The following PLEKHA7 variants were observed in gnomAD, a reference collection of about 807,000 sequenced individuals.
The protein encoded by PLEKHA7 is pleckstrin homology domain containing A7.
In PLEKHA7, 104 loss-of-function variants were observed where a neutral mutation model predicts 170.0. The ratio of observed to expected loss-of-function variants is 0.61; its 90% CI spans 0.52 to 0.72. The LOEUF is 0.72. Ranked by LOEUF, PLEKHA7 falls within the 30% of genes least tolerant of loss-of-function variation. The pLI, the probability that PLEKHA7 is intolerant of heterozygous loss-of-function variation, is 0.00. For missense variants in PLEKHA7, 1,615 were observed against 1,671.7 expected (o/e 0.97, Z 0.59); for synonymous variants, 648 against 660.8 (o/e 0.98, Z 0.30).
At chr11:16,786,004 A>T (rs923633243) in intron 24 of PLEKHA7, among the ~76,000 whole-genome samples, 1 of 152,216 alleles carries the variant, frequency 6.6e-6, no homozygotes, top group Non-Finnish European at 1.5e-5. Context: ...AGCACAGAGA[A>T]GCTAAAATTG....
chr11:16,808,711 T>A (rs763906947), intron 13 of PLEKHA7, among the ~76,000 whole-genome samples: 7 of 152,224 alleles, frequency 4.6e-5, no homozygotes, highest in Non-Finnish European at 8.8e-5. Flanking sequence ...CTCATCTTCC[T>A]GGCTGTGCTT....
chr11:16,851,123 T>G, intron 8 of PLEKHA7, 68 bp downstream of exon 8: 2 of 1,295,244 alleles, frequency 1.5e-6, no homozygotes, highest in Non-Finnish European at 2.1e-6. Flanking sequence ...GCAACTGCTT[T>G]TATGAAGACA....
intron 3 of PLEKHA7, among the ~76,000 whole-genome samples, chr11:16,885,459 G>A (rs378769): frequency 0.28 from 41,800 of 151,310 alleles, 5,848 homozygotes; most frequent in Non-Finnish European, 0.3. Context: ...AGGAATTTGA[G>A]ACTAGCCTGG....
chr11:16,941,799 T>C (rs527362328), intron 3 of PLEKHA7, among the ~76,000 whole-genome samples: 1 of 152,204 alleles, frequency 6.6e-6, no homozygotes, highest in Non-Finnish European at 1.5e-5. Flanking sequence ...AAAAACAGAC[T>C]ACTATGTCAA....
chr11:16,868,431 T>C (rs1854566774), intron 4 of PLEKHA7, among the ~76,000 whole-genome samples: 1 of 152,204 alleles, frequency 6.6e-6, no homozygotes, highest in African/African-American at 2.4e-5. Context: ...AGGTGAGTCC[T>C]ACCTGCCAAC....
At chr11:16,981,185 A>T (rs1863406423) in intron 3 of PLEKHA7, among the ~76,000 whole-genome samples, 1 of 152,192 alleles carries the variant, frequency 6.6e-6, no homozygotes, top group African/African-American at 2.4e-5. Flanking sequence ...ACCAGGACAT[A>T]AGATTAAAAT....
Position 16,791,917 on chromosome 11 carries a change from T to G in PLEKHA7, c.2746-718A>C, listed in dbSNP as rs1308855345. Among the ~76,000 whole-genome samples, 1 of 152,178 alleles carries G rather than the reference T, an allele frequency of 6.6e-6. No individual in the cohort carries two copies. Among genetic ancestry groups the G allele is most frequent in the Non-Finnish European group, 1.5e-5 (1 of 68,028 alleles). On this transcript the variant is annotated intron_variant, in intron 19 of 26. Transcript: ENST00000531066. The surrounding 1 kb of genome is among the most constrained non-coding windows in gnomAD (Gnocchi z 4.5). ...ACATATCAACAGACCGGCCCCTGGT[T>G]GCCATGAACACCCACTCGCAGGACT...
Position 16,790,823 on chromosome 11 carries a change from G to A in PLEKHA7, c.3027C>T (p.Ser1009=). The A allele has an allele frequency of 6.2e-7, 1 of 1,608,814 alleles. No homozygotes were observed. Among genetic ancestry groups the A allele is most frequent in the Non-Finnish European group, 8.5e-7 (1 of 1,177,832 alleles). ...CTCTGCCTGGCAGCGTCTGGTACCTGCTCTCAGGGCCCACAAGTCCTAGGG... is the reference window on the plus strand; with the variant it reads ...CTCTGCCTGGCAGCGTCTGGTACCTACTCTCAGGGCCCACAAGTCCTAGGG... ...QPSLGLVGPE[S]RYQTLPGRGL... is the part of the protein sequence containing the mutation. Residue 1009 remains serine (S), a synonymous_variant, in exon 21 of 27, where the codon AGC becomes AGT. Transcript: ENST00000531066.
chr11:16,822,111 A>G (rs1439333335), intron 10 of PLEKHA7, among the ~76,000 whole-genome samples: 2 of 152,042 alleles, frequency 1.3e-5, no homozygotes, highest in Non-Finnish European at 2.9e-5. Flanking sequence ...CAACTCTCAA[A>G]TTCAGGCCGT....
At chr11:16,941,282 T>C (rs2136410763) in intron 3 of PLEKHA7, among the ~76,000 whole-genome samples, 1 of 152,286 alleles carries the variant, frequency 6.6e-6, no homozygotes, top group Non-Finnish European at 1.5e-5. Context: ...CTTTATAATA[T>C]CCCTGCTGAC....
At position 17,007,449 on chromosome 11, in the gene PLEKHA7, A is replaced by T. The variant is rs149019882; in HGVS notation, c.221+6540T>A. Among the ~76,000 whole-genome samples the T allele has an allele frequency of 5.0e-3, 757 of 152,196 alleles. 2 individuals carry two copies. The highest frequency in any genetic ancestry group is 7.0e-3 in the Non-Finnish European group (479 of 67,998). ...GCGTTCCTCCTGGCTCAGCCTCCCA[A>T]GTAGCTGGGATTACAGGCACTCGCC... On this transcript the variant is annotated intron_variant, in intron 3 of 26. Coordinates refer to ENST00000531066, the MANE Select transcript of PLEKHA7 (RefSeq NM_001329630.2).
chr11:16,885,959 T>C (rs940039511), intron 3 of PLEKHA7, among the ~76,000 whole-genome samples: 2 of 149,232 alleles, frequency 1.3e-5, no homozygotes, highest in African/African-American at 5.0e-5. Context: ...ATCGCGCCAC[T>C]GCACCACTCC....
At position 16,979,544 on chromosome 11, in the gene PLEKHA7, C is replaced by T. The variant is rs1206642678; in HGVS notation, c.221+34445G>A. Among the ~76,000 whole-genome samples the T allele has an allele frequency of 2.6e-5, 4 of 152,170 alleles. No individual in the cohort carries two copies. The East Asian group carries it at 5.8e-4, about 22-fold the overall frequency. On this transcript the variant is annotated intron_variant, in intron 3 of 26. Coordinates refer to ENST00000531066, the MANE Select transcript of PLEKHA7 (RefSeq NM_001329630.2). ...AATATTAAACCCAATAATAGGGGAA[C>T]TGAGGTGGCATAAACCATACATCAC... is the stretch of plus-strand genomic sequence containing the variant.
intron 10 of PLEKHA7, among the ~76,000 whole-genome samples, chr11:16,820,646 T>C (rs1247907950): frequency 6.6e-6 from 1 of 152,208 alleles, no homozygotes; most frequent in Non-Finnish European, 1.5e-5. Context: ...ATGCAAACTA[T>C]GCAAAGCATT....
chr11:17,011,268 T>G (rs561914068), intron 3 of PLEKHA7, among the ~76,000 whole-genome samples: 2 of 152,294 alleles, frequency 1.3e-5, no homozygotes, highest in South Asian at 4.2e-4. Flanking sequence ...ATGCAGGCCA[T>G]GGATCCCATC....
At chr11:16,974,129 G>A (rs1248851216) in intron 3 of PLEKHA7, among the ~76,000 whole-genome samples, 2 of 152,008 alleles carry the variant, frequency 1.3e-5, no homozygotes, top group Non-Finnish European at 2.9e-5. Context: ...AGATGTGGTG[G>A]TGCACGCCTA....
At chr11:16,783,115 G>A (rs189226735) in intron 25 of PLEKHA7, among the ~76,000 whole-genome samples, 4 of 152,328 alleles carry the variant, frequency 2.6e-5, no homozygotes, top group East Asian at 1.9e-4. Context: ...TTAAGTTCAC[G>A]GCTCTAGCTG....
intron 8 of PLEKHA7, chr11:16,842,559 CCTT>C (rs1364292331): frequency 1.4e-5 from 2 of 141,334 alleles, no homozygotes; most frequent in Non-Finnish European, 3.0e-5. Flanking sequence ...CCTACTGTGT[CCTT>C]CTGCCTCAAG....
intron 3 of PLEKHA7, among the ~76,000 whole-genome samples, chr11:16,920,994 A>C (rs1189266983): frequency 1.3e-5 from 2 of 152,276 alleles, no homozygotes; most frequent in African/African-American, 2.4e-5. Context: ...ATGCTACAAA[A>C]GTAATGAGAA....
Sources: allele counts gnomAD v4.1 joint callset (sites outside exome capture counted in the v4.1 genomes callset), GRCh38; gene constraint gnomAD v4.1.1; non-coding constraint Gnocchi (gnomAD v3.1); transcripts MANE v1.5; gene names NCBI Gene and HGNC (gene_info 2026-07-23, HGNC 2026-07-21).